The following PPFIA2 variants were observed in gnomAD, a reference collection of about 807,000 sequenced individuals.
PPFIA2 encodes PPFI scaffold protein A2.
In PPFIA2, 46 loss-of-function variants were observed where a neutral mutation model predicts 175.5. The ratio of observed to expected loss-of-function variants is 0.26; its 90% CI spans 0.21 to 0.34. The LOEUF is 0.34. PPFIA2 is among the 10% of genes least tolerant of loss of function. The probability of loss-of-function intolerance (pLI) is 1.00; values close to 1 mark genes in which losing one functional copy is unlikely to be tolerated. For synonymous variants in PPFIA2, 568 were observed against 511.4 expected, an observed-to-expected ratio of 1.11 and a Z score of -1.49; for missense variants, 1,179 against 1,506.1, an observed-to-expected ratio of 0.78 and a Z score of 3.60.
At chr12:81,485,770 T>A (rs1437049973) in intron 4 of PPFIA2, among the ~76,000 whole-genome samples, 1 of 151,906 alleles carries the variant, frequency 6.6e-6, no homozygotes, top group African/African-American at 2.4e-5. Context: ...CCATTATTGA[T>A]TGCAAAATAT....
chr12:81,265,030 C>T (rs985595039), intron 30 of PPFIA2, among the ~76,000 whole-genome samples: 5 of 151,720 alleles, frequency 3.3e-5, no homozygotes, highest in South Asian at 2.1e-4. Flanking sequence ...TGGTGGCTCA[C>T]GCCTGTAATC....
At chr12:81,351,760 A>T (rs1048631801) in intron 17 of PPFIA2, among the ~76,000 whole-genome samples, 2 of 149,056 alleles carry the variant, frequency 1.3e-5, no homozygotes, top group African/African-American at 5.0e-5. Flanking sequence ...AAAAAAAAAG[A>T]CAGGCATGGT....
At chr12:81,499,075 G>T (rs940068141) in intron 4 of PPFIA2, among the ~76,000 whole-genome samples, 3 of 152,238 alleles carry the variant, frequency 2.0e-5, no homozygotes, top group African/African-American at 7.2e-5. Flanking sequence ...AGCAGGTAGG[G>T]TGCTGCAAGA....
At chr12:81,603,645 A>G (rs114036857) in intron 4 of PPFIA2, among the ~76,000 whole-genome samples, 14 of 151,810 alleles carry the variant, frequency 9.2e-5, no homozygotes, top group African/African-American at 3.4e-4. Flanking sequence ...CATTACCTGA[A>G]AATCTAGAAA....
intron 4 of PPFIA2, among the ~76,000 whole-genome samples, chr12:81,644,179 T>C (rs891095074): frequency 3.9e-5 from 6 of 152,056 alleles, no homozygotes; most frequent in Admixed American, 2.0e-4. Context: ...TTTTACATTA[T>C]GATAAAATTT....
intron 16 of PPFIA2, among the ~76,000 whole-genome samples, chr12:81,354,942 C>T (rs1436565376): frequency 6.6e-6 from 1 of 152,110 alleles, no homozygotes; most frequent in Non-Finnish European, 1.5e-5. Flanking sequence ...TGAACCTGAT[C>T]AAGGTTGATG....
intron 4 of PPFIA2, among the ~76,000 whole-genome samples, chr12:81,609,093 A>AT (rs56131137): frequency 0.27 from 41,651 of 151,496 alleles, 6,189 homozygotes; most frequent in African/African-American, 0.38. Flanking sequence ...TATACTATAG[A>AT]TTTTTTTTGC....
intron 22 of PPFIA2, among the ~76,000 whole-genome samples, chr12:81,320,125 C>T (rs2053329963): frequency 1.3e-5 from 2 of 151,840 alleles, no homozygotes; most frequent in African/African-American, 4.8e-5. Flanking sequence ...TCTGTGATAC[C>T]TTCACATATA....
chr12:81,353,365 A>T lies in PPFIA2; in HGVS notation c.1774-26T>A, dbSNP rs375613084. ...CTGAATGGTGAATGAAAAAATGCAG[A>T]ATATTTATCATATTGCTCATTTTCA... On this transcript the variant is annotated intron_variant, in intron 16 of 32. Coordinates refer to ENST00000549396, the MANE Select transcript of PPFIA2 (RefSeq NM_003625.5). 3.4e-6 allele frequency: 5 copies of T among 1,483,068 alleles called. No individual in the cohort carries two copies. In the African/African-American group the frequency reaches 6.9e-5, roughly 21 times the overall value. 91.9% of individuals were successfully genotyped at this position (1,483,068 alleles called of 1,614,324 possible).
At chr12:81,361,096 T>C (rs1163077776) in intron 15 of PPFIA2, among the ~76,000 whole-genome samples, 2 of 151,662 alleles carry the variant, frequency 1.3e-5, no homozygotes, top group East Asian at 1.9e-4. Flanking sequence ...TTGTTCTATA[T>C]AGGCCAAATC....
chr12:81,508,525 A>G (rs1431403457), intron 4 of PPFIA2, among the ~76,000 whole-genome samples: 1 of 74,704 alleles, frequency 1.3e-5, no homozygotes, highest in African/African-American at 7.0e-5. Flanking sequence ...CCACCTCAAA[A>G]AAAAAAAAAA....
At chr12:81,602,800 C>T (rs1016067392) in intron 4 of PPFIA2, among the ~76,000 whole-genome samples, 6 of 151,706 alleles carry the variant, frequency 4.0e-5, no homozygotes, top group South Asian at 2.1e-4. Flanking sequence ...TCCTTAATTG[C>T]GGCACTGTTC....
At chr12:81,327,344 T>G (rs2139859270) in intron 21 of PPFIA2, among the ~76,000 whole-genome samples, 1 of 152,068 alleles carries the variant, frequency 6.6e-6, no homozygotes, top group East Asian at 1.9e-4. Flanking sequence ...TTGGTATGGA[T>G]TAGGAAAGCC....
intron 5 of PPFIA2, 103 bp from the exon 6 acceptor site, chr12:81,445,823 T>C (rs1199391622): frequency 1.8e-6 from 2 of 1,133,416 alleles, no homozygotes; most frequent in Admixed American, 2.6e-5. Context: ...TAGTATCTAA[T>C]GTTAGCTGCA....
intron 7 of PPFIA2, 27 bp from the exon 8 acceptor site, chr12:81,405,930 A>G (rs890484464): frequency 7.5e-7 from 1 of 1,337,888 alleles, no homozygotes; most frequent in South Asian, 1.3e-5. Context: ...CTATGCCTTT[A>G]AAGTCTAAAT....
At chr12:81,439,444 C>T (rs1273053858) in intron 7 of PPFIA2, among the ~76,000 whole-genome samples, 5 of 151,586 alleles carry the variant, frequency 3.3e-5, no homozygotes, top group Admixed American at 6.6e-5. Context: ...TAAAATCTTC[C>T]GAAGATAAAA....
At position 81,431,870 on chromosome 12, in the gene PPFIA2, C is replaced by A. The variant is rs115643276; in HGVS notation, c.645+8102G>T. On this transcript the variant is annotated intron_variant, in intron 7 of 32. Transcript: ENST00000549396. ...AACTCTAGCCACCCCTCACTCAGAT[C>A]TGCCTCTCTCTGTCACCTCCTCCCC... Among the ~76,000 whole-genome samples the A allele has an allele frequency of 8.7e-3, 1,327 of 152,230 alleles. 21 individuals carry two copies. Among genetic ancestry groups the A allele is most frequent in the African/African-American group, 0.03 (1,239 of 41,526 alleles).
intron 8 of PPFIA2, among the ~76,000 whole-genome samples, chr12:81,396,820 G>A (rs2041218154): frequency 6.6e-6 from 1 of 152,068 alleles, no homozygotes; most frequent in African/African-American, 2.4e-5. Flanking sequence ...CAATAATTCA[G>A]CTGAGAGATG....
chr12:81,403,609 T>A (rs962973703), intron 8 of PPFIA2, among the ~76,000 whole-genome samples: 1 of 152,060 alleles, frequency 6.6e-6, no homozygotes, highest in Non-Finnish European at 1.5e-5. Context: ...CCAGATAAGA[T>A]CTCAGGAGTT....
Sources: allele counts gnomAD v4.1 joint callset (sites outside exome capture counted in the v4.1 genomes callset), GRCh38; gene constraint gnomAD v4.1.1; transcripts MANE v1.5; gene names NCBI Gene and HGNC (gene_info 2026-07-23, HGNC 2026-07-21).